SGIP1: variants seen among roughly 807,000 people sequenced by gnomAD.
The protein encoded by SGIP1 is SH3-containing GRB2-like protein 3-interacting protein 1.
SGIP1 carries 38 observed loss-of-function variants against 107.5 expected under a neutral mutation model. The ratio of observed to expected loss-of-function variants is 0.35; its 90% CI spans 0.27 to 0.46. The LOEUF (loss-of-function observed/expected upper bound fraction) is 0.46. Among genes scored for constraint, SGIP1 ranks in the 20% least tolerant of loss-of-function variants. The pLI is 1.00. For missense variants in SGIP1, 929 were observed against 1,019.5 expected (o/e 0.91, Z 1.21); for synonymous variants, 365 against 366.1 (o/e 1.00, Z 0.03).
intron 3 of SGIP1, among the ~76,000 whole-genome samples, chr1:66,633,498 C>G (rs1486589946): frequency 6.6e-6 from 1 of 152,142 alleles, no homozygotes; most frequent in Non-Finnish European, 1.5e-5. Context: ...GAAGCTTTTC[C>G]CCTTTAGTAG....
intron 1 of SGIP1, among the ~76,000 whole-genome samples, chr1:66,577,085 C>T (rs1438028649): frequency 6.6e-6 from 1 of 152,194 alleles, no homozygotes; most frequent in Non-Finnish European, 1.5e-5. Flanking sequence ...AACTACCTGC[C>T]TGTTAAATGC....
chr1:66,735,981 T>C (rs1262971057), intron 21 of SGIP1, among the ~76,000 whole-genome samples: 1 of 151,312 alleles, frequency 6.6e-6, no homozygotes. Flanking sequence ...AAGTTGTACT[T>C]TAATAAAAAT....
At chr1:66,606,172 C>A (rs2066799230) in intron 1 of SGIP1, among the ~76,000 whole-genome samples, 1 of 152,088 alleles carries the variant, frequency 6.6e-6, no homozygotes, top group African/African-American at 2.4e-5. Flanking sequence ...ATTTATTCAC[C>A]ACGGGGTCTT....
At chr1:66,571,374 T>C (rs1442437518) in intron 1 of SGIP1, among the ~76,000 whole-genome samples, 2 of 151,936 alleles carry the variant, frequency 1.3e-5, no homozygotes, top group African/African-American at 2.4e-5. Context: ...TGAGCAAACA[T>C]ACTATTAAAA....
At chr1:66,549,585 T>C (rs2057074232) in intron 1 of SGIP1, among the ~76,000 whole-genome samples, 1 of 152,168 alleles carries the variant, frequency 6.6e-6, no homozygotes, top group African/African-American at 2.4e-5. Context: ...ATTCAATTGC[T>C]CATGTTATCC....
chr1:66,569,275 TGA>T (rs1437342344), intron 1 of SGIP1, among the ~76,000 whole-genome samples: 1 of 151,986 alleles, frequency 6.6e-6, no homozygotes, highest in Non-Finnish European at 1.5e-5. Context: ...AAGGGAGTAG[TGA>T]GAGAGAACAT....
At chr1:66,705,550 G>A (rs1421611477) in intron 18 of SGIP1, among the ~76,000 whole-genome samples, 1 of 151,904 alleles carries the variant, frequency 6.6e-6, no homozygotes, top group African/African-American at 2.4e-5. Context: ...CCTTTTTTTG[G>A]ACTTTACACA....
chr1:66,545,418 T>C (rs929253119), intron 1 of SGIP1, among the ~76,000 whole-genome samples: 1 of 152,206 alleles, frequency 6.6e-6, no homozygotes, highest in Non-Finnish European at 1.5e-5. Context: ...AGGTTGAGAA[T>C]GAGAGCACTA....
chr1:66,608,987 T>TGGTCACTTATATCCCACAGGGATGCA (rs2067384449), intron 1 of SGIP1, among the ~76,000 whole-genome samples: 1 of 139,318 alleles, frequency 7.2e-6, no homozygotes, highest in African/African-American at 2.7e-5. Flanking sequence ...GCTCCTGGTT[T>TGGTCACTTATATCCCACAGGGATGCA]GGTCACTTAT....
chr1:66,571,731 G>A (rs4655622), intron 1 of SGIP1, among the ~76,000 whole-genome samples: 23,421 of 151,716 alleles, frequency 0.15, 2,363 homozygotes, highest in East Asian at 0.45. Flanking sequence ...TTATAAAATG[G>A]CCCCAAACTA....
At chr1:66,732,472 C>G (rs773477265) in intron 20 of SGIP1, among the ~76,000 whole-genome samples, 13 of 152,130 alleles carry the variant, frequency 8.5e-5, no homozygotes, top group Admixed American at 7.9e-4. Context: ...TTTTCCACCC[C>G]CTTCCTCCAT....
intron 19 of SGIP1, among the ~76,000 whole-genome samples, chr1:66,727,407 T>C (rs1343165664): frequency 6.6e-6 from 1 of 152,208 alleles, no homozygotes; most frequent in East Asian, 1.9e-4. Context: ...CTACCAAGTG[T>C]TGGTGAGAAT....
At chr1:66,691,931 C>T (rs565165138) in intron 17 of SGIP1, among the ~76,000 whole-genome samples, 248 of 152,146 alleles carry the variant, frequency 1.6e-3, no homozygotes, top group Non-Finnish European at 2.1e-3. Flanking sequence ...GAGGCCGAGG[C>T]GGGCAGATCA....
At chr1:66,649,747 CA>C (rs35173771) in intron 7 of SGIP1, among the ~76,000 whole-genome samples, 102,334 of 151,960 alleles carry the variant, frequency 0.67, 35,660 homozygotes, top group East Asian at 1. Flanking sequence ...TGCACACACA[CA>C]AAAAAAATAA....
At position 66,639,791 on chromosome 1, in the gene SGIP1, G is replaced by A. The variant is rs751468070; in HGVS notation, c.186G>A (p.Gly62=). ...ATTTATTACAGAAGAAAAGCAATGG[G>A]GCACCAAATGGATTTTATGCGGAAA... The part of the protein sequence containing the change: ...GGKKVSKKSN[G]APNGFYAEID... The change falls in exon 5 of 25, where the codon GGG becomes GGA. Residue 62 remains glycine, a synonymous_variant. Transcript: ENST00000371037. The A allele has an allele frequency of 1.4e-5, 22 of 1,611,186 alleles. 1 individual carries two copies. In the South Asian group the frequency reaches 2.2e-4, roughly 16 times the overall value.
chr1:66,684,243 T>C lies in SGIP1; in HGVS notation c.1315+1874T>C, dbSNP rs1269021606. 1.9e-6 allele frequency: 3 copies of C among 1,549,688 alleles called. No homozygotes were observed. In the East Asian group the frequency reaches 7.3e-5, roughly 38 times the overall value. Reference sequence around the variant, plus strand: ...CCAGTGTGCTCTCCAGGCACTTTTGTAAGGTTTGGTCATAAATATTCCAAA... The same window carrying C: ...CCAGTGTGCTCTCCAGGCACTTTTGCAAGGTTTGGTCATAAATATTCCAAA... On this transcript the variant is annotated intron_variant, in intron 15 of 24. Transcript: ENST00000371037.
intron 18 of SGIP1, among the ~76,000 whole-genome samples, chr1:66,696,844 T>C (rs1490557862): frequency 6.6e-6 from 1 of 152,216 alleles, no homozygotes; most frequent in Non-Finnish European, 1.5e-5. Flanking sequence ...ACTTTCTCTT[T>C]GAATTAGATG....
intron 1 of SGIP1, among the ~76,000 whole-genome samples, chr1:66,547,413 C>T (rs1278550881): frequency 6.6e-6 from 1 of 152,112 alleles, no homozygotes; most frequent in Non-Finnish European, 1.5e-5. Flanking sequence ...GTTACAAACC[C>T]AAATATAGTT....
intron 24 of SGIP1, 86 bp from the exon 25 acceptor site, chr1:66,742,987 G>C (rs2094505404): frequency 7.3e-6 from 10 of 1,374,406 alleles, no homozygotes. Context: ...CTAGGGGTAG[G>C]GAAGGAGGAA....
Sources: allele counts gnomAD v4.1 joint callset (sites outside exome capture counted in the v4.1 genomes callset), GRCh38; gene constraint gnomAD v4.1.1; transcripts MANE v1.5; gene names NCBI Gene and HGNC (gene_info 2026-07-23, HGNC 2026-07-21).